The following CLUL1 variants were observed in gnomAD, a reference collection of about 807,000 sequenced individuals.
The protein encoded by CLUL1 is clusterin like 1.
In CLUL1, 43 loss-of-function variants were observed where a neutral mutation model predicts 49.4. The observed-to-expected ratio is 0.87, with a 90% CI of 0.68 to 1.12. The LOEUF is 1.12. CLUL1 is among the 50% of genes most tolerant of loss of function. The pLI, the probability that CLUL1 is intolerant of heterozygous loss-of-function variation, is 0.00. For synonymous variants in CLUL1, 192 were observed against 184.9 expected (o/e 1.04, Z -0.31); for missense variants, 486 against 544.4 (o/e 0.89, Z 1.07).
At chr18:634,534 T>C (rs75210858) in intron 7 of CLUL1, among the ~76,000 whole-genome samples, 3,525 of 152,298 alleles carry the variant, frequency 0.023, 59 homozygotes, top group East Asian at 0.072. Context: ...CCAAACACTA[T>C]TGTGTGCAAA....
intron 2 of CLUL1, among the ~76,000 whole-genome samples, chr18:612,018 A>G (rs1181988105): frequency 6.6e-6 from 1 of 152,148 alleles, no homozygotes; most frequent in Non-Finnish European, 1.5e-5. Flanking sequence ...CTCACCTCAC[A>G]GTCCAGTCCC....
intron 9 of CLUL1, among the ~76,000 whole-genome samples, chr18:647,686 AC>A (rs2074547054): frequency 6.6e-6 from 1 of 151,978 alleles, no homozygotes; most frequent in Non-Finnish European, 1.5e-5. Flanking sequence ...CCCATGTAGT[AC>A]CCCTTTGTTT....
intron 4 of CLUL1, among the ~76,000 whole-genome samples, chr18:621,123 A>G (rs945170369): frequency 2.6e-5 from 4 of 152,190 alleles, no homozygotes; most frequent in Non-Finnish European, 5.9e-5. Flanking sequence ...AATTATTTTC[A>G]TCTTGCAAAA....
At chr18:639,430 C>CAAA (rs11357641) in intron 7 of CLUL1, among the ~76,000 whole-genome samples, 11 of 71,946 alleles carry the variant, frequency 1.5e-4, no homozygotes, top group Admixed American at 5.4e-4. Flanking sequence ...GACTCCATCT[C>CAAA]AAAAAAAAAA....
At chr18:647,892 G>A (rs1402312520) in intron 9 of CLUL1, among the ~76,000 whole-genome samples, 1 of 152,032 alleles carries the variant, frequency 6.6e-6, no homozygotes, top group African/African-American at 2.4e-5. Flanking sequence ...TCTCCATCCC[G>A]AGACCTACAG....
At chr18:612,762 C>A (rs1489863558) in intron 2 of CLUL1, 1 of 152,248 alleles carries the variant, frequency 6.6e-6, no homozygotes, top group Non-Finnish European at 1.5e-5. Flanking sequence ...GTGTATTGTC[C>A]AGTTCCCTCC....
At chr18:610,293 G>C (rs2073096418) in intron 2 of CLUL1, among the ~76,000 whole-genome samples, 3 of 152,160 alleles carry the variant, frequency 2.0e-5, no homozygotes, top group African/African-American at 7.2e-5. Context: ...AGACTCAATA[G>C]TCTTCCATTC....
At chr18:628,187 G>T (rs1186057930) in intron 6 of CLUL1, among the ~76,000 whole-genome samples, 1 of 152,206 alleles carries the variant, frequency 6.6e-6, no homozygotes, top group Non-Finnish European at 1.5e-5. Context: ...AAGCATCAGA[G>T]AGCTTCTTTA....
In CLUL1 at chr18:597,112, G is replaced by C. The variant is rs541906887; in HGVS notation, c.-153G>C. 2.0e-5 allele frequency: 3 copies of C among 152,732 alleles called. No homozygotes were observed. Among genetic ancestry groups the C allele is most frequent in the African/African-American group, 7.2e-5 (3 of 41,460 alleles). The allele number at this position is 152,732 out of a possible 1,614,324, so 9.5% of individuals were successfully genotyped here. On this transcript the variant is annotated 5_prime_UTR_variant, in exon 1 of 10. Coordinates refer to ENST00000692774, the MANE Select transcript of CLUL1 (RefSeq NM_001393344.1). ...CGCCTCCAGGGGGCAGCACTCAAGC[G>C]CATCTTAGGAATGACAGGTGAGAAC...
chr18:618,210 C>A lies in CLUL1; in HGVS notation c.106+104C>A. On this transcript the variant is annotated intron_variant, in intron 3 of 9. Transcript: ENST00000692774. The surrounding 1 kb of genome is among the most constrained non-coding windows in gnomAD (Gnocchi z 4.2). ...GAGAGATAACCATATTCGCTGTTTT[C>A]ACGGTGAAACGTTCTCAAGGCGCTT... The A allele has an allele frequency of 1.2e-6, 1 of 830,062 alleles. No homozygotes were observed. Among genetic ancestry groups the A allele is most frequent in the South Asian group, 1.6e-5 (1 of 62,736 alleles). 51.4% of individuals were successfully genotyped at this position (830,062 alleles called of 1,614,324 possible). A position where few individuals can be genotyped will look rare whatever the true frequency, so the allele number is the denominator to read the frequency against.
At chr18:633,562 A>C in intron 7 of CLUL1, 127 bp downstream of exon 7, 1 of 835,618 alleles carries the variant, frequency 1.2e-6, no homozygotes. Context: ...TCAGCAAGGA[A>C]AGTTACTTCT....
intron 6 of CLUL1, among the ~76,000 whole-genome samples, chr18:629,628 C>T (rs2073928546): frequency 6.6e-6 from 1 of 152,228 alleles, no homozygotes; most frequent in Non-Finnish European, 1.5e-5. Context: ...CTCCCCAGCC[C>T]CTCTGCGCCA....
intron 2 of CLUL1, 125 bp downstream of exon 2, chr18:607,224 T>C (rs2072999069): frequency 3.2e-6 from 2 of 624,154 alleles, no homozygotes; most frequent in Non-Finnish European, 2.9e-6. Flanking sequence ...GCCTCCCAGA[T>C]TTAAGGGTTT....
At chr18:616,140 T>C (rs2073282390) in intron 2 of CLUL1, among the ~76,000 whole-genome samples, 1 of 152,234 alleles carries the variant, frequency 6.6e-6, no homozygotes, top group African/African-American at 2.4e-5. Flanking sequence ...TAAGTTGTTT[T>C]TAAATGAATC....
At chr18:644,808 C>A in intron 8 of CLUL1, 102 bp from the exon 9 acceptor site, 1 of 805,426 alleles carries the variant, frequency 1.2e-6, no homozygotes, top group Non-Finnish European at 1.9e-6. Flanking sequence ...TAATCTGTTA[C>A]CTCAGCACAA....
chr18:637,833 A>G (rs1031282456), intron 7 of CLUL1, among the ~76,000 whole-genome samples: 3 of 151,944 alleles, frequency 2.0e-5, no homozygotes, highest in African/African-American at 4.8e-5. Flanking sequence ...AATTAGCCAG[A>G]TATGGTGGTA....
At chr18:645,282 C>G (rs985305580) in intron 9 of CLUL1, 185 bp downstream of exon 9, 5 of 466,912 alleles carry the variant, frequency 1.1e-5, no homozygotes, top group Non-Finnish European at 1.5e-5. Flanking sequence ...CCCAGGAAAT[C>G]CTGATAGGAA....
chr18:617,369 C>T (rs1458394341), intron 2 of CLUL1, among the ~76,000 whole-genome samples: 2 of 152,022 alleles, frequency 1.3e-5, no homozygotes, highest in South Asian at 2.1e-4. Flanking sequence ...CCGAGGGGGG[C>T]GGATCACCTG....
At chr18:641,170 G>A (rs1051042555) in intron 7 of CLUL1, 157 bp from the exon 8 acceptor site, 19 of 613,024 alleles carry the variant, frequency 3.1e-5, no homozygotes, top group Admixed American at 5.9e-5. Context: ...AGATGTAGAC[G>A]ATATTAATAA....
Sources: gnomAD v4.1 joint callset for allele counts (sites outside exome capture counted in the v4.1 genomes callset) on GRCh38, gnomAD v4.1.1 for gene constraint, Gnocchi (gnomAD v3.1) non-coding constraint, MANE v1.5 for transcripts, NCBI Gene and HGNC (gene_info 2026-07-23, HGNC 2026-07-21) for gene names.